Variants in CEP85L observed in about 807,000 individuals in gnomAD.
CEP85L encodes centrosomal protein of 85 kDa-like.
A neutral mutation model predicts 100.3 loss-of-function variants in CEP85L; 60 were observed. The ratio of observed to expected loss-of-function variants is 0.60; its 90% CI spans 0.49 to 0.74. CEP85L has a LOEUF of 0.74. Among genes scored for constraint, CEP85L ranks in the 30% least tolerant of loss-of-function variants. CEP85L has a pLI of 0.00. For synonymous variants in CEP85L, 319 were observed against 322.7 expected, an observed-to-expected ratio of 0.99 and a Z score of 0.12; for missense variants, 973 against 936.2, an observed-to-expected ratio of 1.04 and a Z score of -0.51.
At chr6:118,539,654 G>A (rs1458246200) in intron 3 of CEP85L, among the ~76,000 whole-genome samples, 1 of 146,690 alleles carries the variant, frequency 6.8e-6, no homozygotes, top group Non-Finnish European at 1.5e-5. Context: ...TTCTTACATA[G>A]GTAAACCTGT....
intron 1 of CEP85L, among the ~76,000 whole-genome samples, 181 bp downstream of exon 1, chr6:118,651,016 C>T (rs1583226723): frequency 6.6e-6 from 1 of 152,128 alleles, no homozygotes; most frequent in Non-Finnish European, 1.5e-5. Context: ...GCGCCTGGGA[C>T]GCGGCAAGCC....
intron 7 of CEP85L, 93 bp from the exon 8 acceptor site, chr6:118,482,026 T>G (rs1310905778): frequency 5.3e-6 from 3 of 563,920 alleles, no homozygotes; most frequent in Non-Finnish European, 7.7e-6. Flanking sequence ...TTAACAGACT[T>G]GTAGCTAAAA....
intron 1 of CEP85L, among the ~76,000 whole-genome samples, chr6:118,644,507 GA>G (rs1448040365): frequency 2.0e-5 from 3 of 151,772 alleles, no homozygotes; most frequent in Non-Finnish European, 2.9e-5. Context: ...CATCTCACCT[GA>G]ATTTCTCAAA....
chr6:118,651,677 GCCGCGCGGGGCGGGGA>G, upstream of CEP85L: 8 of 846,250 alleles, frequency 9.5e-6, no homozygotes, highest in Non-Finnish European at 1.1e-5. Flanking sequence ...CGTGCGCGGC[GCCGCGCGGGGCGGGGA>G]CTGCGGGGGG....
chr6:118,574,112 A>C (rs1286182254), intron 2 of CEP85L: 1 of 152,210 alleles, frequency 6.6e-6, no homozygotes, highest in African/African-American at 2.4e-5. Context: ...TCCTCAGCGT[A>C]ATCTGTAACT....
intron 10 of CEP85L, among the ~76,000 whole-genome samples, chr6:118,478,522 G>A (rs191244983): frequency 6.6e-6 from 1 of 152,050 alleles, no homozygotes. Flanking sequence ...GGGCAAATGA[G>A]ATGCTAAGAA....
chr6:118,682,046 G>A (rs992508594), intron 1 of CEP85L, among the ~76,000 whole-genome samples: 5 of 151,756 alleles, frequency 3.3e-5, no homozygotes, highest in Admixed American at 1.3e-4. Flanking sequence ...GATTACAGGC[G>A]TGAGCCACCG....
intron 1 of CEP85L, among the ~76,000 whole-genome samples, chr6:118,707,553 T>C (rs1347202743): frequency 1.3e-5 from 2 of 152,208 alleles, no homozygotes; most frequent in Non-Finnish European, 1.5e-5. Context: ...CAACACTTAC[T>C]AAACTACTTC....
intron 3 of CEP85L, among the ~76,000 whole-genome samples, chr6:118,542,917 A>AAAAAAAAAAAAAAAAAAAC (rs758286537): frequency 2.0e-5 from 3 of 150,080 alleles, no homozygotes; most frequent in Non-Finnish European, 3.0e-5. Context: ...AAAAAAAAAA[A>AAAAAAAAAAAAAAAAAAAC]AAAAAACAGG....
intron 2 of CEP85L, among the ~76,000 whole-genome samples, chr6:118,580,410 T>C (rs1583099485): frequency 6.6e-6 from 1 of 152,178 alleles, no homozygotes; most frequent in African/African-American, 2.4e-5. Flanking sequence ...ATCTGTTCTA[T>C]CATTCTGAGG....
At chr6:118,527,565 C>T (rs180845803) in intron 3 of CEP85L, among the ~76,000 whole-genome samples, 130 of 152,216 alleles carry the variant, frequency 8.5e-4, no homozygotes, top group African/African-American at 2.8e-3. Flanking sequence ...AATGAAACTC[C>T]GCATTACCTA....
intron 5 of CEP85L, among the ~76,000 whole-genome samples, chr6:118,506,366 A>G (rs998254238): frequency 6.6e-6 from 1 of 152,146 alleles, no homozygotes; most frequent in Non-Finnish European, 1.5e-5. Flanking sequence ...ACTCTGTGAT[A>G]TAGGGCTTGC....
At chr6:118,486,201 T>A (rs574787759) in intron 6 of CEP85L, among the ~76,000 whole-genome samples, 13 of 152,294 alleles carry the variant, frequency 8.5e-5, no homozygotes, top group African/African-American at 1.9e-4. Context: ...CATTTTTTTT[T>A]AAAACTGCCA....
chr6:118,531,677 C>A (rs1220206406), intron 3 of CEP85L, among the ~76,000 whole-genome samples: 1 of 151,986 alleles, frequency 6.6e-6, no homozygotes, highest in South Asian at 2.1e-4. Flanking sequence ...CAAAAAACAA[C>A]CCCATTAAAA....
intron 2 of CEP85L, among the ~76,000 whole-genome samples, chr6:118,568,928 G>C (rs1449545345): frequency 6.6e-6 from 1 of 151,854 alleles, no homozygotes; most frequent in African/African-American, 2.4e-5. Flanking sequence ...AATCATCATA[G>C]CCTCTAAAAG....
At chr6:118,613,090 T>C (rs1772760476) in intron 2 of CEP85L, among the ~76,000 whole-genome samples, 2 of 151,996 alleles carry the variant, frequency 1.3e-5, no homozygotes, top group African/African-American at 4.8e-5. Context: ...GGTGGGCCTG[T>C]AATCCCAGCT....
At chr6:118,509,605 T>C (rs1241175396) in intron 5 of CEP85L, among the ~76,000 whole-genome samples, 2 of 152,088 alleles carry the variant, frequency 1.3e-5, no homozygotes, top group Admixed American at 1.3e-4. Flanking sequence ...CCAATGTCTC[T>C]AGTATTTATA....
intron 3 of CEP85L, among the ~76,000 whole-genome samples, chr6:118,563,083 A>C (rs990603100): frequency 1.3e-5 from 2 of 152,202 alleles, no homozygotes; most frequent in African/African-American, 2.4e-5. Context: ...GGTGGGTAGC[A>C]TAAGTGTGAT....
intron 1 of CEP85L, among the ~76,000 whole-genome samples, chr6:118,678,473 T>C (rs9489497): frequency 0.45 from 68,959 of 152,006 alleles, 16,269 homozygotes; most frequent in African/African-American, 0.57. Flanking sequence ...CCACCGTATA[T>C]TTGTCTACCT....
Sources: gnomAD v4.1 joint callset for allele counts (sites outside exome capture counted in the v4.1 genomes callset) on GRCh38, gnomAD v4.1.1 for gene constraint, MANE v1.5 for transcripts, NCBI Gene and HGNC (gene_info 2026-07-23, HGNC 2026-07-21) for gene names.